Variants in RELCH observed in about 807,000 individuals in gnomAD.
RELCH encodes the protein RAB11-binding protein RELCH.
In RELCH, 41 loss-of-function variants were observed where a neutral mutation model predicts 150.3. That is an observed-to-expected ratio of 0.27 (90% CI 0.21 to 0.35). The LOEUF (loss-of-function observed/expected upper bound fraction) is 0.35, where lower values mean the gene tolerates loss of function less well. Ranked by LOEUF, RELCH falls within the 10% of genes least tolerant of loss-of-function variation. The probability of loss-of-function intolerance (pLI) is 1.00; values close to 1 mark genes in which losing one functional copy is unlikely to be tolerated. For synonymous variants in RELCH, 478 were observed against 531.8 expected (o/e 0.90, Z 1.39); for missense variants, 1,092 against 1,467.8 (o/e 0.74, Z 4.18).
At position 62,258,661 on chromosome 18, in the gene RELCH, TGA is replaced by T; in HGVS notation, c.2188_2189del (p.Glu730LysfsTer12). 6.3e-7 allele frequency: 1 copy of T among 1,585,608 alleles called. No homozygotes were observed. Among genetic ancestry groups the T allele is most frequent in the Non-Finnish European group, 8.5e-7 (1 of 1,171,284 alleles). On this transcript the variant is annotated frameshift_variant, in exon 15 of 29. Coordinates refer to ENST00000644646, the MANE Select transcript of RELCH (RefSeq NM_001346231.2). LOFTEE classifies it high-confidence loss of function. ...TTATACTTACACTACTGAACAAGATTGAAAAACTTCTCAGGGTAAGTTCTTCT... is the reference window on the plus strand; with the variant it reads ...TTATACTTACACTACTGAACAAGATTAAAACTTCTCAGGGTAAGTTCTTCT... ...HLILTLLNKI[E>X]KLLREGEHGL...
rs191892982 is a variant in RELCH, at chr18:62,238,368, C to A, written c.1620+5941C>A. 2.6e-5 allele frequency among the ~76,000 whole-genome samples: 4 copies of A among 151,948 alleles called. No homozygotes were observed. The East Asian group carries it at 7.7e-4, about 29-fold the overall frequency. ...AGTAGTTCATTTTAATGGATTGGTTCAGGAAACTTGAATCTTTTGAGCCAA... is the reference window on the plus strand; with the variant it reads ...AGTAGTTCATTTTAATGGATTGGTTAAGGAAACTTGAATCTTTTGAGCCAA... On this transcript the variant is annotated intron_variant, in intron 10 of 28. Transcript: ENST00000644646.
chr18:62,278,626 A>T (rs2044341651), intron 22 of RELCH, among the ~76,000 whole-genome samples: 1 of 152,152 alleles, frequency 6.6e-6, no homozygotes, highest in Non-Finnish European at 1.5e-5. Flanking sequence ...AGTACTAGCT[A>T]CTAGGTAAAC....
At chr18:62,278,246 A>G (rs894285600) in intron 22 of RELCH, among the ~76,000 whole-genome samples, 1 of 152,176 alleles carries the variant, frequency 6.6e-6, no homozygotes, top group African/African-American at 2.4e-5. Context: ...CAAGATGCTG[A>G]TTCAAATCTA....
chr18:62,257,817 TAGTC>T (rs1227634234), intron 13 of RELCH, 127 bp from the exon 14 acceptor site: 12 of 674,746 alleles, frequency 1.8e-5, no homozygotes, highest in African/African-American at 3.8e-5. Context: ...CATCAACAGT[TAGTC>T]AGCATTTTTA....
intron 1 of RELCH, among the ~76,000 whole-genome samples, chr18:62,196,290 C>T (rs2039039872): frequency 6.6e-6 from 1 of 152,094 alleles, no homozygotes. Context: ...AGTGCAGTGG[C>T]ACAATCTTGG....
chr18:62,287,269 G>A (rs775634618), intron 25 of RELCH, 82 bp from the exon 26 acceptor site: 3 of 715,598 alleles, frequency 4.2e-6, no homozygotes, highest in South Asian at 1.6e-5. Flanking sequence ...ATAAATTAAA[G>A]TGATAAATTA....
In RELCH at chr18:62,278,673, T is replaced by G. The variant is rs2044344269; in HGVS notation, c.2968-1101T>G. ...CATTTAGGATTAATATGTGCTTACATTCTGAAATTGAGAAGGGGATTGCCC... is the reference window on the plus strand; with the variant it reads ...CATTTAGGATTAATATGTGCTTACAGTCTGAAATTGAGAAGGGGATTGCCC... On this transcript the variant is annotated intron_variant, in intron 22 of 28. Transcript: ENST00000644646. Among the ~76,000 whole-genome samples the G allele has an allele frequency of 2.0e-5, 3 of 152,132 alleles. No individual in the cohort carries two copies. In the South Asian group the frequency reaches 6.2e-4, roughly 31 times the overall value.
intron 2 of RELCH, among the ~76,000 whole-genome samples, chr18:62,216,064 C>A (rs2040457644): frequency 6.6e-6 from 1 of 151,926 alleles, no homozygotes; most frequent in African/African-American, 2.4e-5. Context: ...TGTTATTAAA[C>A]AAAACTACTG....
intron 22 of RELCH, among the ~76,000 whole-genome samples, chr18:62,278,551 T>G (rs1165236464): frequency 6.6e-6 from 1 of 152,130 alleles, no homozygotes; most frequent in East Asian, 1.9e-4. Flanking sequence ...CCTTCACATA[T>G]GTACACAATG....
In RELCH at chr18:62,310,116, A is replaced by G. The variant is rs781665779; in HGVS notation, c.*4582A>G. The G allele has an allele frequency of 6.6e-6, 1 of 152,086 alleles. No homozygotes were observed. The allele number at this position is 152,086 out of a possible 1,614,324, so 9.4% of individuals were successfully genotyped here. A position where few individuals can be genotyped will look rare whatever the true frequency, so the allele number is the denominator to read the frequency against. The stretch of plus-strand genomic sequence containing the variant: ...ATAATAATTTCTCATTGACTTTATG[A>G]TTTCATAGATGCTTTATCTTCATTT... On this transcript the variant is annotated 3_prime_UTR_variant, in exon 29 of 29. Coordinates refer to ENST00000644646, the MANE Select transcript of RELCH (RefSeq NM_001346231.2).
intron 5 of RELCH, among the ~76,000 whole-genome samples, chr18:62,221,953 G>A (rs1051849598): frequency 1.3e-5 from 2 of 151,836 alleles, no homozygotes; most frequent in African/African-American, 4.8e-5. Context: ...GTATCTCTCT[G>A]AATAGGGGCC....
At chr18:62,269,148 G>T (rs1473148218) in intron 20 of RELCH, among the ~76,000 whole-genome samples, 200 bp downstream of exon 20, 1 of 152,088 alleles carries the variant, frequency 6.6e-6, no homozygotes, top group Admixed American at 6.6e-5. Flanking sequence ...AATAAATTTA[G>T]AGATTATGAG....
intron 20 of RELCH, among the ~76,000 whole-genome samples, chr18:62,272,836 T>C (rs1385162558): frequency 2.0e-5 from 3 of 152,234 alleles, no homozygotes; most frequent in Non-Finnish European, 4.4e-5. Context: ...TCAGCTTGTT[T>C]TCCAAAGTTA....
In RELCH at chr18:62,287,332, CT is replaced by C. The variant is rs571403916; in HGVS notation, c.3254-11del. 1.8e-4 allele frequency: 229 copies of C among 1,299,958 alleles called. No individual in the cohort carries two copies. The African/African-American group carries it at 1.9e-3, about 11-fold the overall frequency. 80.5% of individuals were successfully genotyped at this position (1,299,958 alleles called of 1,614,324 possible). A position where few individuals can be genotyped will look rare whatever the true frequency, so the allele number is the denominator to read the frequency against. Reference sequence around the variant, plus strand: ...GCATGTTTTGGGTAAAAATTTAACCCTTTTTTTTCTGTTTTCAGTTGTTATA... The same window carrying C: ...GCATGTTTTGGGTAAAAATTTAACCCTTTTTTTCTGTTTTCAGTTGTTATA... On this transcript the variant is annotated intron_variant, in intron 25 of 28. Coordinates refer to ENST00000644646, the MANE Select transcript of RELCH (RefSeq NM_001346231.2).
chr18:62,269,007 A>T, intron 20 of RELCH, 59 bp downstream of exon 20: 2 of 800,700 alleles, frequency 2.5e-6, no homozygotes, highest in Non-Finnish European at 4.0e-6. Flanking sequence ...AATGCCTAGT[A>T]TTGTGTCTTC....
chr18:62,286,075 G>A (rs974437663), intron 25 of RELCH: 2 of 152,176 alleles, frequency 1.3e-5, no homozygotes, highest in African/African-American at 4.8e-5. Context: ...ATATTATGCA[G>A]TGTGATTGTT....
intron 2 of RELCH, among the ~76,000 whole-genome samples, chr18:62,216,054 T>G (rs1262761297): frequency 6.6e-6 from 1 of 152,138 alleles, no homozygotes; most frequent in East Asian, 1.9e-4. Flanking sequence ...CCTTTCTCTA[T>G]GTTATTAAAC....
intron 15 of RELCH, among the ~76,000 whole-genome samples, chr18:62,260,922 A>C (rs1030314577): frequency 9.2e-5 from 14 of 151,898 alleles, no homozygotes; most frequent in African/African-American, 3.1e-4. Context: ...CTGGGGGAGT[A>C]ATGAACAGAA....
intron 23 of RELCH, 59 bp downstream of exon 23, chr18:62,279,915 A>G: frequency 9.7e-7 from 1 of 1,027,090 alleles, no homozygotes; most frequent in East Asian, 2.6e-5. Context: ...CCTGTCAAGA[A>G]ATAACCATCA....
Sources: gnomAD v4.1 joint callset for allele counts (sites outside exome capture counted in the v4.1 genomes callset) on GRCh38, gnomAD v4.1.1 for gene constraint, MANE v1.5 for transcripts, NCBI Gene and HGNC (gene_info 2026-07-23, HGNC 2026-07-21) for gene names.